RALA: variants seen among roughly 807,000 people sequenced by gnomAD.
RALA encodes ras-related protein Ral-A.
RALA carries 5 observed loss-of-function variants against 24.0 expected under a neutral mutation model. That is an observed-to-expected ratio of 0.21 (90% confidence interval 0.11 to 0.44). RALA has a LOEUF of 0.44. Ranked by LOEUF, RALA falls within the 20% of genes least tolerant of loss-of-function variation. The pLI, the probability that RALA is intolerant of heterozygous loss-of-function variation, is 0.99. For missense variants in RALA, 95 were observed against 241.2 expected, an observed-to-expected ratio of 0.39 and a Z score of 4.01; for synonymous variants, 77 against 83.8, an observed-to-expected ratio of 0.92 and a Z score of 0.44.
At chr7:39,701,163 G>C (rs1793019366) in intron 4 of RALA, 1 of 152,204 alleles carries the variant, frequency 6.6e-6, no homozygotes, top group African/African-American at 2.4e-5. Context: ...TGCAGCTTCT[G>C]GGTCTGGCCA....
chr7:39,683,387 T>C (rs748630076), intron 1 of RALA, among the ~76,000 whole-genome samples: 8 of 152,174 alleles, frequency 5.3e-5, no homozygotes, highest in Non-Finnish European at 1.0e-4. Context: ...AGGTCTCAGC[T>C]CAAATGCCAC....
chr7:39,680,755 T>G (rs1361595070), intron 1 of RALA, among the ~76,000 whole-genome samples: 1 of 152,152 alleles, frequency 6.6e-6, no homozygotes, highest in Non-Finnish European at 1.5e-5. Flanking sequence ...CACTACCTGT[T>G]GAATTATTCT....
chr7:39,674,041 G>GTAAAAAAAAAAATAAA lies in RALA; in HGVS notation c.-37-12586_-37-12585insAAAAAAAATAAATAAA, dbSNP rs751747445. 2.7e-4 allele frequency among the ~76,000 whole-genome samples: 13 copies of GTAAAAAAAAAAATAAA among 48,914 alleles called. 1 individual carries two copies. The South Asian group carries it at 2.7e-3, about 10-fold the overall frequency. The allele number at this position is 48,914 out of a possible 152,430, so 32.1% of individuals were successfully genotyped here. On this transcript the variant is annotated intron_variant, in intron 1 of 4. Transcript: ENST00000005257. ...TTACCTGGGACTACAGGCATGCACTGTAAATAAATAAATAAATAAATAAAT... is the reference window on the plus strand; with the variant it reads ...TTACCTGGGACTACAGGCATGCACTGTAAAAAAAAAAATAAATAAATAAATAAATAAATAAATAAAT...
In RALA at chr7:39,696,612, G is replaced by T. The variant is rs780526585; in HGVS notation, c.324-73G>T. 3.7e-5 allele frequency: 46 copies of T among 1,229,938 alleles called. No homozygotes were observed. The African/African-American group carries it at 6.2e-4, about 16-fold the overall frequency. The allele number at this position is 1,229,938 out of a possible 1,614,324, so 76.2% of individuals were successfully genotyped here. A position where few individuals can be genotyped will look rare whatever the true frequency, so the allele number is the denominator to read the frequency against. On this transcript the variant is annotated intron_variant, in intron 3 of 4. Coordinates refer to ENST00000005257, the MANE Select transcript of RALA (RefSeq NM_005402.4). Reference sequence around the variant, plus strand: ...AGATGTTAACAATAGGGAAAAATAGGTATGGGGCAAACAAGAACTTTCTGT... The same window carrying T: ...AGATGTTAACAATAGGGAAAAATAGTTATGGGGCAAACAAGAACTTTCTGT...
At chr7:39,659,364 A>G (rs1792147526) in intron 1 of RALA, among the ~76,000 whole-genome samples, 1 of 152,200 alleles carries the variant, frequency 6.6e-6, no homozygotes, top group South Asian at 2.1e-4. Flanking sequence ...GTGCTACAAG[A>G]TGTTTTATGA....
chr7:39,649,521 T>A (rs1427159399), intron 1 of RALA, among the ~76,000 whole-genome samples: 1 of 152,218 alleles, frequency 6.6e-6, no homozygotes, highest in African/African-American at 2.4e-5. Flanking sequence ...TTTTTTGCTC[T>A]TCTGCTCCTT....
At chr7:39,645,786 G>A (rs1489401368) in intron 1 of RALA, among the ~76,000 whole-genome samples, 1 of 152,172 alleles carries the variant, frequency 6.6e-6, no homozygotes, top group African/African-American at 2.4e-5. Context: ...TAACGGAGAT[G>A]CATCAGGTTG....
chr7:39,687,903 A>G (rs931020694), intron 2 of RALA, among the ~76,000 whole-genome samples: 4 of 152,146 alleles, frequency 2.6e-5, no homozygotes, highest in Non-Finnish European at 5.9e-5. Context: ...ATATCCCTAC[A>G]GATTTTTCCC....
chr7:39,702,118 A>G (rs1348876486), intron 4 of RALA, among the ~76,000 whole-genome samples: 1 of 152,198 alleles, frequency 6.6e-6, no homozygotes, highest in East Asian at 1.9e-4. Context: ...GGAAAATATC[A>G]TATTTGGGTT....
intron 1 of RALA, among the ~76,000 whole-genome samples, chr7:39,650,614 C>T (rs1029567328): frequency 2.0e-5 from 3 of 151,658 alleles, no homozygotes; most frequent in South Asian, 2.1e-4. Context: ...TTTCCTAAGG[C>T]GGGTTCTTGG....
At chr7:39,697,981 GTGTA>G (rs1315720100) in intron 4 of RALA, among the ~76,000 whole-genome samples, 3 of 132,456 alleles carry the variant, frequency 2.3e-5, no homozygotes, top group Admixed American at 2.2e-4. Flanking sequence ...GTGTATGTGT[GTGTA>G]TGTGTGTTTT....
At chr7:39,674,524 A>G (rs562222509) in intron 1 of RALA, among the ~76,000 whole-genome samples, 11 of 152,290 alleles carry the variant, frequency 7.2e-5, no homozygotes, top group South Asian at 4.1e-4. Context: ...TGATAGTCCA[A>G]TCATTCTATT....
intron 2 of RALA, among the ~76,000 whole-genome samples, chr7:39,688,042 C>T (rs371375109): frequency 1.3e-5 from 2 of 152,136 alleles, no homozygotes; most frequent in East Asian, 3.9e-4. Flanking sequence ...TGAGCCAGTG[C>T]ACCCAACCCC....
intron 1 of RALA, among the ~76,000 whole-genome samples, chr7:39,640,155 A>T (rs1208369452): frequency 2.0e-5 from 3 of 152,026 alleles, no homozygotes; most frequent in African/African-American, 4.8e-5. Flanking sequence ...AAGCAATCCT[A>T]CCACCTCAGC....
chr7:39,632,942 G>A (rs62453644), intron 1 of RALA, among the ~76,000 whole-genome samples: 1 of 152,184 alleles, frequency 6.6e-6, no homozygotes, highest in South Asian at 2.1e-4. Flanking sequence ...CTGCTCCATG[G>A]TTTCTCAGTT....
intron 1 of RALA, among the ~76,000 whole-genome samples, chr7:39,684,989 G>A (rs1434101054): frequency 1.3e-5 from 2 of 152,080 alleles, no homozygotes; most frequent in African/African-American, 2.4e-5. Flanking sequence ...CACTGTTTCT[G>A]GTATACTAGA....
chr7:39,637,242 A>G (rs748026388), intron 1 of RALA, among the ~76,000 whole-genome samples: 11 of 152,314 alleles, frequency 7.2e-5, no homozygotes, highest in South Asian at 4.1e-4. Context: ...GTTTAATCCT[A>G]TATTTCTGTC....
At chr7:39,674,052 AAT>A (rs1562618724) in intron 1 of RALA, among the ~76,000 whole-genome samples, 1,196 of 112,166 alleles carry the variant, frequency 0.011, 11 homozygotes, top group African/African-American at 0.017. Flanking sequence ...TAAATAAATA[AAT>A]AAATAAATAA....
chr7:39,662,057 G>GTA (rs1408071193), intron 1 of RALA, among the ~76,000 whole-genome samples: 1 of 152,196 alleles, frequency 6.6e-6, no homozygotes, highest in Non-Finnish European at 1.5e-5. Flanking sequence ...AACCCGACCT[G>GTA]TACCCTGGCC....
Sources: allele counts gnomAD v4.1 joint callset (sites outside exome capture counted in the v4.1 genomes callset), GRCh38; gene constraint gnomAD v4.1.1; transcripts MANE v1.5; gene names NCBI Gene and HGNC (gene_info 2026-07-23, HGNC 2026-07-21).